Variants in PTPRK observed in about 807,000 individuals in gnomAD.
The protein encoded by PTPRK is protein tyrosine phosphatase receptor type K.
In PTPRK, 75 loss-of-function variants were observed where a neutral mutation model predicts 178.0. That is an observed-to-expected ratio of 0.42 (90% confidence interval 0.35 to 0.51). The LOEUF (loss-of-function observed/expected upper bound fraction) is 0.51, where lower values mean the gene tolerates loss of function less well. Ranked by LOEUF, PTPRK falls within the 20% of genes least tolerant of loss-of-function variation. The pLI is 0.02. For missense variants in PTPRK, 1,441 were observed against 1,797.8 expected (o/e 0.80, Z 3.59); for synonymous variants, 637 against 620.6 (o/e 1.03, Z -0.39).
At chr6:128,001,179 C>G in intron 15 of PTPRK, 1 of 1,516,192 alleles carries the variant, frequency 6.6e-7, no homozygotes, top group East Asian at 2.5e-5. Flanking sequence ...TTCTAGAGTT[C>G]TTTGCAATAC....
At chr6:128,434,867 G>C (rs757026560) in intron 1 of PTPRK, among the ~76,000 whole-genome samples, 71 of 147,506 alleles carry the variant, frequency 4.8e-4, no homozygotes, top group Non-Finnish European at 8.7e-4. Context: ...AAAAAAATAA[G>C]AAAAAAAAAA....
intron 7 of PTPRK, among the ~76,000 whole-genome samples, chr6:128,151,836 C>T (rs1380586154): frequency 6.6e-6 from 1 of 151,644 alleles, no homozygotes; most frequent in Non-Finnish European, 1.5e-5. Flanking sequence ...GATAAAAAGG[C>T]AATTCTTTGA....
intron 2 of PTPRK, among the ~76,000 whole-genome samples, chr6:128,357,901 G>A (rs1834166238): frequency 6.6e-6 from 1 of 152,120 alleles, no homozygotes; most frequent in African/African-American, 2.4e-5. Context: ...AACAGTAAGT[G>A]GTAGTGATGT....
At chr6:128,150,377 C>A (rs1181193434) in intron 7 of PTPRK, among the ~76,000 whole-genome samples, 1 of 152,060 alleles carries the variant, frequency 6.6e-6, no homozygotes, top group Non-Finnish European at 1.5e-5. Context: ...AGGTATATAA[C>A]TCTACCATTG....
At chr6:128,343,379 A>C (rs1831945191) in intron 2 of PTPRK, among the ~76,000 whole-genome samples, 1 of 151,908 alleles carries the variant, frequency 6.6e-6, no homozygotes, top group South Asian at 2.1e-4. Context: ...GGGTGCCTAT[A>C]ATCCCAGCTA....
At chr6:128,458,788 C>T (rs1364832415) in intron 1 of PTPRK, among the ~76,000 whole-genome samples, 1 of 152,158 alleles carries the variant, frequency 6.6e-6, no homozygotes, top group Non-Finnish European at 1.5e-5. Flanking sequence ...TTGAGAGAAT[C>T]ACAGAGCATT....
chr6:128,440,653 T>A (rs527368626), intron 1 of PTPRK, among the ~76,000 whole-genome samples: 1 of 152,296 alleles, frequency 6.6e-6, no homozygotes, highest in African/African-American at 2.4e-5. Flanking sequence ...TTTCTCTCCT[T>A]AATAGAAGGT....
At chr6:128,473,934 A>G (rs1851052127) in intron 1 of PTPRK, among the ~76,000 whole-genome samples, 1 of 152,094 alleles carries the variant, frequency 6.6e-6, no homozygotes. Context: ...AAAACCTGAC[A>G]TATTTTGTAT....
At chr6:128,432,015 G>A (rs1379070971) in intron 1 of PTPRK, among the ~76,000 whole-genome samples, 15 of 152,122 alleles carry the variant, frequency 9.9e-5, no homozygotes, top group Non-Finnish European at 1.3e-4. Context: ...AGTGAGGGAA[G>A]AGAAAGGAAG....
At chr6:128,029,638 AAATAATAATAATAAT>A (rs55955361) in intron 13 of PTPRK, among the ~76,000 whole-genome samples, 189 of 137,042 alleles carry the variant, frequency 1.4e-3, no homozygotes, top group East Asian at 3.0e-3. Flanking sequence ...TTCCATCTCA[AAATAATAATAATAAT>A]AATAATAATA....
At chr6:128,508,244 T>G (rs1856646814) in intron 1 of PTPRK, among the ~76,000 whole-genome samples, 1 of 152,150 alleles carries the variant, frequency 6.6e-6, no homozygotes, top group Admixed American at 6.6e-5. Flanking sequence ...GCACAGGCAC[T>G]GGGACAAGTC....
chr6:128,200,449 G>A (rs1805699192), intron 6 of PTPRK, among the ~76,000 whole-genome samples: 1 of 152,122 alleles, frequency 6.6e-6, no homozygotes, highest in Non-Finnish European at 1.5e-5. Context: ...TTCTAGGCCA[G>A]GCAGAGGGCT....
At chr6:128,299,732 T>C (rs1825221215) in intron 3 of PTPRK, among the ~76,000 whole-genome samples, 1 of 152,128 alleles carries the variant, frequency 6.6e-6, no homozygotes. Context: ...CAAGATGGAT[T>C]AAAGACTTAA....
intron 3 of PTPRK, among the ~76,000 whole-genome samples, chr6:128,253,851 G>T (rs1816867721): frequency 6.6e-6 from 1 of 152,152 alleles, no homozygotes; most frequent in Non-Finnish European, 1.5e-5. Flanking sequence ...TCTGATGACA[G>T]TATGCACTTA....
At chr6:128,076,698 CA>C (rs1783880731) in intron 11 of PTPRK, among the ~76,000 whole-genome samples, 1 of 151,970 alleles carries the variant, frequency 6.6e-6, no homozygotes, top group African/African-American at 2.4e-5. Context: ...CCAACAAATA[CA>C]AAGATGAGTG....
intron 7 of PTPRK, among the ~76,000 whole-genome samples, chr6:128,119,977 GT>G (rs1348732362): frequency 6.6e-6 from 1 of 151,782 alleles, no homozygotes; most frequent in Non-Finnish European, 1.5e-5. Flanking sequence ...AAGGTTAAAT[GT>G]TTTTTCCAGT....
At chr6:128,382,102 T>C (rs1837996781) in intron 2 of PTPRK, among the ~76,000 whole-genome samples, 1 of 131,970 alleles carries the variant, frequency 7.6e-6, no homozygotes, top group Admixed American at 9.2e-5. Flanking sequence ...AGGACTGCCA[T>C]GACTGTGACA....
At chr6:128,124,126 C>T (rs1191271181) in intron 7 of PTPRK, among the ~76,000 whole-genome samples, 3 of 151,946 alleles carry the variant, frequency 2.0e-5, no homozygotes, top group Non-Finnish European at 2.9e-5. Flanking sequence ...TCACTGCAAC[C>T]TCCGCCTCCC....
intron 1 of PTPRK, among the ~76,000 whole-genome samples, chr6:128,430,581 A>C (rs1844709780): frequency 6.6e-6 from 1 of 152,236 alleles, no homozygotes; most frequent in Non-Finnish European, 1.5e-5. Context: ...TAACTAGTGA[A>C]GCAGCTTATG....
Sources: gnomAD v4.1 joint callset for allele counts (sites outside exome capture counted in the v4.1 genomes callset) on GRCh38, gnomAD v4.1.1 for gene constraint, MANE v1.5 for transcripts, NCBI Gene and HGNC (gene_info 2026-07-23, HGNC 2026-07-21) for gene names.